The following GON4L variants were observed in gnomAD, a reference collection of about 807,000 sequenced individuals.
GON4L encodes GON-4-like protein.
A neutral mutation model predicts 211.8 loss-of-function variants in GON4L; 87 were observed. The ratio of observed to expected loss-of-function variants is 0.41; its 90% CI spans 0.35 to 0.49. GON4L has a LOEUF of 0.49. Among genes scored for constraint, GON4L ranks in the 20% least tolerant of loss-of-function variants. The pLI, the probability that GON4L is intolerant of heterozygous loss-of-function variation, is 0.15. For missense variants in GON4L, 2,155 were observed against 2,659.5 expected (o/e 0.81, Z 4.17); for synonymous variants, 875 against 962.6 (o/e 0.91, Z 1.68).
At chr1:155,827,441 G>T (rs2102305884) in intron 2 of GON4L, among the ~76,000 whole-genome samples, 1 of 152,206 alleles carries the variant, frequency 6.6e-6, no homozygotes, top group Middle Eastern at 3.4e-3. Flanking sequence ...GTAAATATAT[G>T]GTTCTACAGT....
chr1:155,856,403 CTT>C (rs111851717), intron 1 of GON4L, among the ~76,000 whole-genome samples: 2 of 143,234 alleles, frequency 1.4e-5, no homozygotes, highest in African/African-American at 2.5e-5. Context: ...GACTTTTTTT[CTT>C]TTTTTTTTTT....
intron 2 of GON4L, among the ~76,000 whole-genome samples, chr1:155,838,504 G>T (rs935219486): frequency 6.6e-5 from 10 of 152,158 alleles, no homozygotes; most frequent in African/African-American, 1.9e-4. Context: ...GCTAGGCACA[G>T]GGGCTCTCAC....
At chr1:155,806,245 C>T (rs1343749175) in intron 10 of GON4L, among the ~76,000 whole-genome samples, 1 of 150,072 alleles carries the variant, frequency 6.7e-6, no homozygotes, top group Non-Finnish European at 1.5e-5. Flanking sequence ...CTCCATCTCC[C>T]GGGTTCGGGT....
At chr1:155,851,597 T>C (rs1179725990) in intron 2 of GON4L, among the ~76,000 whole-genome samples, 1 of 151,590 alleles carries the variant, frequency 6.6e-6, no homozygotes, top group East Asian at 2.0e-4. Context: ...GCGCCTGTAA[T>C]ACCAGCTACT....
intron 2 of GON4L, among the ~76,000 whole-genome samples, chr1:155,848,005 T>A (rs79428307): frequency 8.2e-5 from 12 of 146,004 alleles, no homozygotes; most frequent in South Asian, 2.2e-4. Context: ...AATGGGAGGA[T>A]CTCTTGGTTC....
Position 155,855,758 on chromosome 1 carries a change from G to A in GON4L, c.-27+1389C>T, listed in dbSNP as rs148717838. On this transcript the variant is annotated intron_variant, in intron 1 of 31. Coordinates refer to ENST00000368331, the MANE Select transcript of GON4L (RefSeq NM_001282860.2). ...AACACTCTGGGAGGCCAAGGCGGGC[G>A]GATAACAAGGTCAGGAGTTCGAGAC... is the stretch of plus-strand genomic sequence containing the variant. Among the ~76,000 whole-genome samples, 99 of 152,158 alleles carry A rather than the reference G, an allele frequency of 6.5e-4. 4 individuals are homozygous for A. In the East Asian group the frequency reaches 0.014, roughly 22 times the overall value.
At position 155,800,555 on chromosome 1, in the gene GON4L, C is replaced by A. The variant is rs1354723691; in HGVS notation, c.1645+4394G>T. ...CTGGGGGACAAGAGTGAAACTCTCT[C>A]AAAAAAAAATGGTTTAGGCCAGGTG... On this transcript the variant is annotated intron_variant, in intron 11 of 31. Coordinates refer to ENST00000368331, the MANE Select transcript of GON4L (RefSeq NM_001282860.2). 1.1e-4 allele frequency among the ~76,000 whole-genome samples: 16 copies of A among 139,830 alleles called. 1 individual carries two copies. Among genetic ancestry groups the A allele is most frequent in the East Asian group, 2.1e-4 (1 of 4,742 alleles). 91.7% of individuals were successfully genotyped at this position (139,830 alleles called of 152,430 possible). A position where few individuals can be genotyped will look rare whatever the true frequency, so the allele number is the denominator to read the frequency against.
chr1:155,851,178 C>A (rs1465555765), intron 2 of GON4L, among the ~76,000 whole-genome samples: 2 of 150,176 alleles, frequency 1.3e-5, no homozygotes, highest in Non-Finnish European at 3.0e-5. Context: ...CACGGTAAAA[C>A]CCCGTCTCTA....
chr1:155,752,473 G>C lies in GON4L; in HGVS notation c.5960C>G (p.Thr1987Ser), dbSNP rs765656961. The C allele has an allele frequency of 1.3e-6, 2 of 1,569,434 alleles. No homozygotes were observed. The highest frequency in any genetic ancestry group is 8.6e-7 in the Non-Finnish European group (1 of 1,157,498). ...CTTAACAGTGTACAGTACAGCTCCAGTTGTGGGGGGAAATTGAGGAGTCTC... is the reference window on the plus strand; with the variant it reads ...CTTAACAGTGTACAGTACAGCTCCACTTGTGGGGGGAAATTGAGGAGTCTC... Reference protein sequence around the residue: ...SPETPQFPPTTGAVLYTVKRN... With the variant: ...SPETPQFPPTSGAVLYTVKRN... Residue 1987 changes from threonine (T) to serine (S), a missense_variant, in exon 30 of 32, where the codon ACT (threonine) becomes AGT (serine). Transcript: ENST00000368331.
At chr1:155,835,744 A>G (rs987221164) in intron 2 of GON4L, among the ~76,000 whole-genome samples, 1 of 152,148 alleles carries the variant, frequency 6.6e-6, no homozygotes, top group African/African-American at 2.4e-5. Context: ...TCTCTTACAG[A>G]GCAGCCATTT....
At chr1:155,812,690 G>C (rs1369481964) in intron 10 of GON4L, among the ~76,000 whole-genome samples, 1 of 151,854 alleles carries the variant, frequency 6.6e-6, no homozygotes, top group Non-Finnish European at 1.5e-5. Context: ...CAAGTAGCTG[G>C]GATTACAGGC....
intron 2 of GON4L, among the ~76,000 whole-genome samples, chr1:155,828,575 GAT>G (rs1669437897): frequency 3.3e-5 from 5 of 151,888 alleles, no homozygotes; most frequent in African/African-American, 1.2e-4. Flanking sequence ...GGGAGGCTGA[GAT>G]GGGTGGATCA....
chr1:155,745,627 C>CA (rs1440835352), downstream of GON4L, among the ~76,000 whole-genome samples: 45 of 152,294 alleles, frequency 3.0e-4, no homozygotes, highest in Middle Eastern at 3.4e-3. Context: ...CCGCCTCTCG[C>CA]GGCAACCACA....
At chr1:155,760,093 TTGAGG>T (rs1661630846) in intron 24 of GON4L, among the ~76,000 whole-genome samples, 1 of 151,356 alleles carries the variant, frequency 6.6e-6, no homozygotes, top group Non-Finnish European at 1.5e-5. Flanking sequence ...TTCCTAGCAA[TTGAGG>T]TCAGGAATTG....
At chr1:155,763,675 C>T (rs1662086289) in intron 21 of GON4L, 111 bp from the exon 22 acceptor site, 1 of 939,568 alleles carries the variant, frequency 1.1e-6, no homozygotes, top group Non-Finnish European at 1.6e-6. Context: ...GAGCCCACTA[C>T]AGCTGTCCTG....
rs775850446 is a variant in GON4L at position 155,853,801 on chromosome 1, T to C, written c.-21A>G. 6 of 1,606,648 alleles carry C rather than the reference T, an allele frequency of 3.7e-6. No homozygotes were observed. Among genetic ancestry groups the C allele is most frequent in the Non-Finnish European group, 5.1e-6 (6 of 1,173,646 alleles). ...AACATTTTAAAAGTCCCACTTTTGT[T>C]CCATTCTGAAAGAATAAAAAGTTCT... On this transcript the variant is annotated 5_prime_UTR_variant, in exon 2 of 32. Coordinates refer to ENST00000368331, the MANE Select transcript of GON4L (RefSeq NM_001282860.2).
In GON4L at chr1:155,769,320, C is replaced by T. The variant is rs145276717; in HGVS notation, c.2646+1747G>A. Among the ~76,000 whole-genome samples, 38 of 152,148 alleles carry T rather than the reference C, an allele frequency of 2.5e-4. 1 individual carries two copies. The East Asian group carries it at 7.3e-3, about 29-fold the overall frequency. On this transcript the variant is annotated intron_variant, in intron 19 of 31. Transcript: ENST00000368331. ...AAAAAAATTAAAATAAAAAATGCTA[C>T]TAGAATGTGTTTCACTAAAGGAAGG... is the stretch of plus-strand genomic sequence containing the variant.
At chr1:155,850,943 G>C (rs34032320) in intron 2 of GON4L, among the ~76,000 whole-genome samples, 1,651 of 150,318 alleles carry the variant, frequency 0.011, 24 homozygotes, top group Non-Finnish European at 0.014. Flanking sequence ...TGTAGTCCTA[G>C]CTACTTGGGA....
intron 11 of GON4L, 135 bp downstream of exon 11, chr1:155,804,814 T>A: frequency 1.4e-6 from 1 of 735,438 alleles, no homozygotes; most frequent in Non-Finnish European, 2.4e-6. Context: ...TAACTACTGA[T>A]TTAAGATAAA....
Sources: gnomAD v4.1 joint callset for allele counts (sites outside exome capture counted in the v4.1 genomes callset) on GRCh38, gnomAD v4.1.1 for gene constraint, MANE v1.5 for transcripts, NCBI Gene and HGNC (gene_info 2026-07-23, HGNC 2026-07-21) for gene names.